KCNG3: variants seen among roughly 807,000 people sequenced by gnomAD.
KCNG3 encodes the protein potassium voltage-gated channel modifier subfamily G member 3.
In KCNG3, 15 loss-of-function variants were observed where a neutral mutation model predicts 29.0. That is an observed-to-expected ratio of 0.52 (90% CI 0.35 to 0.80). The LOEUF (loss-of-function observed/expected upper bound fraction) is 0.80. Ranked by LOEUF, KCNG3 falls within the 30% of genes least tolerant of loss-of-function variation. KCNG3 has a pLI of 0.01. For missense variants in KCNG3, 512 were observed against 605.7 expected (o/e 0.85, Z 1.62); for synonymous variants, 322 against 248.9 (o/e 1.29, Z -2.76).
At chr2:42,399,799 G>A in the KCNG3 span, among the ~76,000 whole-genome samples, 3 of 152,102 alleles carry the variant, frequency 2.0e-5, no homozygotes. Flanking sequence ...GGGAGAATGG[G>A]CTTCTATGAC....
intron 1 of KCNG3, among the ~76,000 whole-genome samples, chr2:42,483,460 T>C (rs1673641846): frequency 6.6e-6 from 1 of 152,178 alleles, no homozygotes; most frequent in Admixed American, 6.5e-5. Context: ...AAAACTAGTA[T>C]CAAACTAAGC....
chr2:42,466,634 G>C (rs576275753), intron 1 of KCNG3, among the ~76,000 whole-genome samples: 1 of 151,978 alleles, frequency 6.6e-6, no homozygotes, highest in Non-Finnish European at 1.5e-5. Flanking sequence ...AAGCATCTCC[G>C]GTCGTTATGC....
intron 1 of KCNG3, among the ~76,000 whole-genome samples, chr2:42,448,965 G>A (rs986621780): frequency 2.0e-5 from 3 of 151,464 alleles, no homozygotes; most frequent in Admixed American, 6.6e-5. Context: ...GTGACAGAGC[G>A]AGACTCCGTC....
At chr2:42,484,400 T>A (rs760961683) in intron 1 of KCNG3, among the ~76,000 whole-genome samples, 1 of 152,124 alleles carries the variant, frequency 6.6e-6, no homozygotes, top group Non-Finnish European at 1.5e-5. Context: ...AGGCGGAGAT[T>A]GCAGTGAGCC....
chr2:42,489,818 T>G (rs1157936342), intron 1 of KCNG3, among the ~76,000 whole-genome samples: 7 of 152,228 alleles, frequency 4.6e-5, no homozygotes. Flanking sequence ...CTGATGCCTG[T>G]GCCCTTCCAA....
intron 1 of KCNG3, among the ~76,000 whole-genome samples, chr2:42,449,391 A>T (rs1225673654): frequency 1.3e-5 from 2 of 151,460 alleles, no homozygotes; most frequent in East Asian, 3.9e-4. Flanking sequence ...CACATTGTCT[A>T]TGGCTGTTTT....
At chr2:42,486,039 C>T (rs1217071840) in intron 1 of KCNG3, among the ~76,000 whole-genome samples, 1 of 152,192 alleles carries the variant, frequency 6.6e-6, no homozygotes, top group East Asian at 1.9e-4. Context: ...TAAGGAAAGA[C>T]ATCTATGATC....
chr2:42,466,870 A>G (rs943605527), intron 1 of KCNG3, among the ~76,000 whole-genome samples: 1 of 149,916 alleles, frequency 6.7e-6, no homozygotes, highest in African/African-American at 2.5e-5. Flanking sequence ...CTCCTGCCTC[A>G]GCCTCCCTAG....
rs180726986 is a variant in KCNG3, at chr2:42,469,818, T to A, written c.665+23019A>T. The A allele has an allele frequency of 1.1e-4, 21 of 193,332 alleles. No homozygotes were observed. In the East Asian group the frequency reaches 2.1e-3, roughly 19 times the overall value. 12.0% of individuals were successfully genotyped at this position (193,332 alleles called of 1,614,324 possible). On this transcript the variant is annotated intron_variant, in intron 1 of 1. Coordinates refer to ENST00000306078, the MANE Select transcript of KCNG3 (RefSeq NM_133329.6). ...TTTCGCTGCCTGACTGCTGCCATCA[T>A]GGGTTGCATGCATGCTCCCAGGAAG...
chr2:42,459,000 G>C (rs556614605), intron 1 of KCNG3, among the ~76,000 whole-genome samples: 1 of 151,948 alleles, frequency 6.6e-6, no homozygotes, highest in African/African-American at 2.4e-5. Context: ...AGTTCAAGAC[G>C]AGTCCGACCA....
At chr2:42,393,313 A>C in the KCNG3 span, among the ~76,000 whole-genome samples, 4 of 151,692 alleles carry the variant, frequency 2.6e-5, no homozygotes, top group Non-Finnish European at 5.9e-5. Context: ...GTAATCCCAG[A>C]ACTTTGAGAG....
intron 1 of KCNG3, among the ~76,000 whole-genome samples, chr2:42,451,207 A>AAC (rs1206579632): frequency 8.0e-6 from 1 of 125,458 alleles, no homozygotes; most frequent in African/African-American, 2.6e-5. Context: ...TCCAACTCAA[A>AAC]AAAAAAAAAA....
intron 1 of KCNG3, among the ~76,000 whole-genome samples, chr2:42,492,310 G>A (rs143010100): frequency 1.3e-5 from 2 of 152,134 alleles, no homozygotes; most frequent in African/African-American, 2.4e-5. Context: ...AGAGTCTATC[G>A]ATAAATTAAC....
Position 42,443,793 on chromosome 2 carries a change from C to T in KCNG3, c.*141G>A. On this transcript the variant is annotated 3_prime_UTR_variant, in exon 2 of 2. Transcript: ENST00000306078. Reference sequence around the variant, plus strand: ...TCCATAACAAGTAAACTGTTTTATCCCTTCGGCTGGGAAGGATAATTTTTA... The same window carrying T: ...TCCATAACAAGTAAACTGTTTTATCTCTTCGGCTGGGAAGGATAATTTTTA... 2.7e-6 allele frequency: 2 copies of T among 728,988 alleles called. No homozygotes were observed. Among genetic ancestry groups the T allele is most frequent in the East Asian group, 5.3e-5 (2 of 37,426 alleles). The allele number at this position is 728,988 out of a possible 1,614,324, so 45.2% of individuals were successfully genotyped here.
the KCNG3 span, among the ~76,000 whole-genome samples, chr2:42,406,787 A>T: frequency 5.4e-5 from 8 of 149,186 alleles, no homozygotes; most frequent in Non-Finnish European, 8.9e-5. Flanking sequence ...AGATCGCACC[A>T]CTGCACTCCA....
intron 1 of KCNG3, among the ~76,000 whole-genome samples, chr2:42,483,558 G>A (rs1220805489): frequency 6.6e-6 from 1 of 152,184 alleles, no homozygotes; most frequent in Non-Finnish European, 1.5e-5. Flanking sequence ...ATTGGATAAA[G>A]TACCTAAATC....
chr2:42,440,919 G>C (rs1426808976), downstream of KCNG3, among the ~76,000 whole-genome samples: 2 of 150,526 alleles, frequency 1.3e-5, no homozygotes, highest in African/African-American at 4.8e-5. Flanking sequence ...TTAAAGATTA[G>C]GAGATTAGGG....
the KCNG3 span, among the ~76,000 whole-genome samples, chr2:42,428,668 AGGG>A: frequency 6.6e-6 from 1 of 152,140 alleles, no homozygotes; most frequent in Non-Finnish European, 1.5e-5. Flanking sequence ...AAGGGAAAAA[AGGG>A]GGATTCAAAA....
At chr2:42,419,545 GC>G in the KCNG3 span, among the ~76,000 whole-genome samples, 1 of 151,802 alleles carries the variant, frequency 6.6e-6, no homozygotes, top group Non-Finnish European at 1.5e-5. Flanking sequence ...AATCCACCAC[GC>G]CCAGCCCTCA....
Sources: allele counts gnomAD v4.1 joint callset (sites outside exome capture counted in the v4.1 genomes callset), GRCh38; gene constraint gnomAD v4.1.1; transcripts MANE v1.5; gene names NCBI Gene and HGNC (gene_info 2026-07-23, HGNC 2026-07-21).